TXLNB: variants seen among roughly 807,000 people sequenced by gnomAD.
TXLNB encodes the protein taxilin beta.
In TXLNB, 37 loss-of-function variants were observed where a neutral mutation model predicts 57.4. That is an observed-to-expected ratio of 0.64 (90% confidence interval 0.50 to 0.85). The LOEUF is 0.85. TXLNB is among the 40% of genes least tolerant of loss of function. The pLI is 0.00. For synonymous variants in TXLNB, 302 were observed against 309.6 expected, an observed-to-expected ratio of 0.98 and a Z score of 0.26; for missense variants, 848 against 825.6, an observed-to-expected ratio of 1.03 and a Z score of -0.33.
chr6:139,182,733 G>T, the TXLNB span, among the ~76,000 whole-genome samples: 124 of 152,126 alleles, frequency 8.2e-4, 1 homozygote, highest in African/African-American at 2.9e-3. Flanking sequence ...GTATTTTTAA[G>T]GCATATTTTT....
chr6:139,220,810 A>G, the TXLNB span, among the ~76,000 whole-genome samples: 2 of 152,212 alleles, frequency 1.3e-5, no homozygotes, highest in African/African-American at 4.8e-5. Context: ...CTGGTCCTCC[A>G]TAGCTGGCTC....
At chr6:139,278,935 C>T (rs1776974178) in intron 2 of TXLNB, among the ~76,000 whole-genome samples, 1 of 152,130 alleles carries the variant, frequency 6.6e-6, no homozygotes, top group Non-Finnish European at 1.5e-5. Flanking sequence ...ACCCAGGAGG[C>T]AGAGATTGCA....
chr6:139,266,825 G>A (rs922893940), intron 4 of TXLNB, among the ~76,000 whole-genome samples: 8 of 151,856 alleles, frequency 5.3e-5, no homozygotes, highest in African/African-American at 1.9e-4. Context: ...TTCTGAAAAC[G>A]AAAGATCAAT....
chr6:139,295,616 G>T (rs891157203), upstream of TXLNB, among the ~76,000 whole-genome samples: 1 of 151,678 alleles, frequency 6.6e-6, no homozygotes, highest in Non-Finnish European at 1.5e-5. Context: ...TAAATAAAAT[G>T]CCTTGATTTT....
chr6:139,298,185 G>A, the TXLNB span, among the ~76,000 whole-genome samples: 1 of 152,186 alleles, frequency 6.6e-6, no homozygotes, highest in Non-Finnish European at 1.5e-5. Context: ...AGATGGACTT[G>A]CATAAATAAA....
At chr6:139,260,460 A>G in intron 5 of TXLNB, 23 bp from the exon 6 acceptor site, 1 of 1,609,266 alleles carries the variant, frequency 6.2e-7, no homozygotes, top group Admixed American at 1.7e-5. Flanking sequence ...AAGTGTACAT[A>G]GAAAGCTTGG....
chr6:139,230,595 G>A, the TXLNB span, among the ~76,000 whole-genome samples: 1 of 152,208 alleles, frequency 6.6e-6, no homozygotes, highest in Non-Finnish European at 1.5e-5. Flanking sequence ...TCTGCAGCTG[G>A]TCTCTGTGAG....
upstream of TXLNB, among the ~76,000 whole-genome samples, chr6:139,296,279 C>T (rs1487785313): frequency 2.0e-5 from 3 of 152,156 alleles, no homozygotes; most frequent in Non-Finnish European, 4.4e-5. Context: ...CTTATACTTA[C>T]TTGATTGATA....
the TXLNB span, among the ~76,000 whole-genome samples, chr6:139,323,581 G>A: frequency 6.6e-6 from 1 of 152,080 alleles, no homozygotes; most frequent in Non-Finnish European, 1.5e-5. Context: ...CCGCGCCCAG[G>A]CTTGTTTAGT....
At chr6:139,258,360 C>G (rs1316940042) in intron 6 of TXLNB, among the ~76,000 whole-genome samples, 1 of 152,124 alleles carries the variant, frequency 6.6e-6, no homozygotes, top group Non-Finnish European at 1.5e-5. Flanking sequence ...TACCAATATA[C>G]TATGGGAAGC....
At chr6:139,321,542 CTTT>C in the TXLNB span, among the ~76,000 whole-genome samples, 12 of 131,392 alleles carry the variant, frequency 9.1e-5, no homozygotes, top group Admixed American at 2.3e-4. Flanking sequence ...CTGAGCTCTC[CTTT>C]TTTTTTTTTT....
At chr6:139,243,479 G>A (rs1776001194) in intron 9 of TXLNB, among the ~76,000 whole-genome samples, 165 bp from the exon 10 acceptor site, 1 of 149,894 alleles carries the variant, frequency 6.7e-6, no homozygotes, top group Non-Finnish European at 1.5e-5. Context: ...GCTTGGTCAT[G>A]GACATCACTT....
At chr6:139,215,968 G>A in the TXLNB span, among the ~76,000 whole-genome samples, 2 of 151,720 alleles carry the variant, frequency 1.3e-5, 1 homozygote, top group Non-Finnish European at 2.9e-5. Flanking sequence ...AAAAAATCAG[G>A]AAACAACAGG....
chr6:139,281,707 C>T (rs1173397576), intron 2 of TXLNB, among the ~76,000 whole-genome samples: 1 of 110,570 alleles, frequency 9.0e-6, no homozygotes, highest in Non-Finnish European at 1.7e-5. Context: ...CGCTACCACG[C>T]CCGGCTAATT....
chr6:139,269,046 C>A lies in TXLNB; in HGVS notation c.687+1410G>T, dbSNP rs190743389. Reference sequence around the variant, plus strand: ...TCCCAAGTAGCTGGCACTGCAGGAACGTGCCACACTCAGCTAATTTTCCTG... The same window carrying A: ...TCCCAAGTAGCTGGCACTGCAGGAAAGTGCCACACTCAGCTAATTTTCCTG... On this transcript the variant is annotated intron_variant, in intron 4 of 9. Coordinates refer to ENST00000358430, the MANE Select transcript of TXLNB (RefSeq NM_153235.4). 5 of 152,272 alleles carry A rather than the reference C, an allele frequency of 3.3e-5. No individual in the cohort carries two copies. In the East Asian group the frequency reaches 9.7e-4, roughly 29 times the overall value. The allele number at this position is 152,272 out of a possible 1,614,324, so 9.4% of individuals were successfully genotyped here. A position where few individuals can be genotyped will look rare whatever the true frequency, so the allele number is the denominator to read the frequency against.
chr6:139,316,898 G>GGGGA, the TXLNB span, among the ~76,000 whole-genome samples: 3 of 152,182 alleles, frequency 2.0e-5, no homozygotes, highest in Admixed American at 6.5e-5. Context: ...TCACAAGGCT[G>GGGGA]GGGAGGCAAA....
At chr6:139,259,738 G>A (rs958521618) in intron 6 of TXLNB, among the ~76,000 whole-genome samples, 12 of 152,076 alleles carry the variant, frequency 7.9e-5, no homozygotes, top group Admixed American at 2.0e-4. Flanking sequence ...TCTTGTTCAC[G>A]GCTATGTCCC....
intron 7 of TXLNB, among the ~76,000 whole-genome samples, chr6:139,248,858 G>A (rs181894427): frequency 3.3e-5 from 5 of 152,218 alleles, no homozygotes; most frequent in Admixed American, 2.0e-4. Context: ...GGCTGGACAC[G>A]GACAAGGGCC....
the TXLNB span, among the ~76,000 whole-genome samples, chr6:139,235,024 G>T: frequency 6.6e-6 from 1 of 152,238 alleles, no homozygotes; most frequent in African/African-American, 2.4e-5. Context: ...GAACTTTAAG[G>T]TTTAATGACT....
Sources: allele counts gnomAD v4.1 joint callset (sites outside exome capture counted in the v4.1 genomes callset), GRCh38; gene constraint gnomAD v4.1.1; transcripts MANE v1.5; gene names NCBI Gene and HGNC (gene_info 2026-07-23, HGNC 2026-07-21).